LHX3: variants seen among roughly 807,000 people sequenced by gnomAD.
LHX3 encodes LIM/homeobox protein Lhx3.
LHX3 carries 21 observed loss-of-function variants against 32.4 expected under a neutral mutation model. The observed-to-expected ratio is 0.65, with a 90% confidence interval of 0.46 to 0.93. The LOEUF (loss-of-function observed/expected upper bound fraction) is 0.93, where lower values mean the gene tolerates loss of function less well. Ranked by LOEUF, LHX3 falls within the 40% of genes least tolerant of loss-of-function variation. The pLI is 0.00. For synonymous variants in LHX3, 258 were observed against 246.8 expected (o/e 1.05, Z -0.43); for missense variants, 626 against 560.0 (o/e 1.12, Z -1.19).
chr9:136,204,202 C>T (rs1296893314), intron 1 of LHX3, among the ~76,000 whole-genome samples: 2 of 152,256 alleles, frequency 1.3e-5, no homozygotes, highest in Admixed American at 6.5e-5. Flanking sequence ...CACAAGAAAC[C>T]ACAGTCCCTC....
chr9:136,203,191 G>A (rs1831687845), intron 1 of LHX3: 3 of 1,126,568 alleles, frequency 2.7e-6, no homozygotes, highest in Admixed American at 9.8e-5. Flanking sequence ...GGAGCCTCTG[G>A]CCGAGCGGAG....
At chr9:136,198,858 C>T (rs1323305615) in intron 4 of LHX3, 38 bp from the exon 5 acceptor site, 2 of 1,594,584 alleles carry the variant, frequency 1.3e-6, no homozygotes, top group South Asian at 1.1e-5. Flanking sequence ...CCCGGCTCTG[C>T]GGGGGCCCCC....
Position 136,197,497 on chromosome 9 carries a change from T to C in LHX3, c.1022A>G (p.Asp341Gly). The change falls in exon 6 of 6, where the codon GAC becomes GGC. Residue 341 changes from aspartate to glycine, a missense_variant. Transcript: ENST00000371748. ...QPLLSSLVYP[D>G]TSLGLVPSGA... Reference sequence around the variant, plus strand: ...CGAGGGCACAAGGCCCAAGCTGGTGTCTGGGTACACCAGGCTGGAGAGGAG... The same window carrying C: ...CGAGGGCACAAGGCCCAAGCTGGTGCCTGGGTACACCAGGCTGGAGAGGAG... 1 of 1,554,270 alleles carries C rather than the reference T, an allele frequency of 6.4e-7. No individual in the cohort carries two copies. Among genetic ancestry groups the C allele is most frequent in the African/African-American group, 1.4e-5 (1 of 73,354 alleles).
rs1254648318 is a variant in LHX3, at chr9:136,197,058, AT to A, written c.*266del. 5 of 575,180 alleles carry A rather than the reference AT, an allele frequency of 8.7e-6. No individual in the cohort carries two copies. Among genetic ancestry groups the A allele is most frequent in the Non-Finnish European group, 1.6e-5 (5 of 321,678 alleles). The allele number at this position is 575,180 out of a possible 1,614,324, so 35.6% of individuals were successfully genotyped here. ...AGAAATAGCAGCAAGTGCTCAGTTA[AT>A]TGGTCAATAAAGGGGAGAAATTTGC... is the stretch of plus-strand genomic sequence containing the variant. On this transcript the variant is annotated 3_prime_UTR_variant, in exon 6 of 6. Coordinates refer to ENST00000371748, the MANE Select transcript of LHX3 (RefSeq NM_178138.6).
At chr9:136,203,439 C>T (rs1588628542) in intron 1 of LHX3, among the ~76,000 whole-genome samples, 1 of 152,294 alleles carries the variant, frequency 6.6e-6, no homozygotes, top group East Asian at 1.9e-4. Context: ...GAGGCAGAGG[C>T]CTGAGCTGGA....
At position 136,200,709 on chromosome 9, in the gene LHX3, A is replaced by C. The variant is rs1831619654; in HGVS notation, c.124T>G (p.Phe42Val). 16 of 1,613,544 alleles carry C rather than the reference A, an allele frequency of 9.9e-6. No homozygotes were observed. The highest frequency in any genetic ancestry group is 1.4e-5 in the Non-Finnish European group (16 of 1,180,022). The change falls in exon 2 of 6, where the codon TTC becomes GTC. Residue 42 changes from phenylalanine to valine, a missense_variant. Transcript: ENST00000371748. The stretch of plus-strand genomic sequence containing the variant: ...TGGCGGTCCAGAGCCTTGAGGATGA[A>C]GCGGTCCAGGATGTGCTGGTCACAG... The part of the protein sequence containing the change: ...AGCDQHILDR[F>V]ILKALDRHWH...
In LHX3 at chr9:136,199,833, G is replaced by T. The variant is rs1457176364; in HGVS notation, c.299C>A (p.Thr100Lys). 1.2e-6 allele frequency: 2 copies of T among 1,609,256 alleles called. No individual in the cohort carries two copies. Among genetic ancestry groups the T allele is most frequent in the Admixed American group, 1.7e-5 (1 of 59,668 alleles). The part of the protein sequence containing the change: ...CAACQLGIPP[T>K]QVVRRAQDFV... ...GTCCTGGGCGCGGCGCACCACCTGC[G>T]TGGGCGGGATGCCCAGCTGGCACGC... Residue 100 changes from threonine (T) to lysine (K), a missense_variant, in exon 3 of 6, where the codon ACG becomes AAG. Physicochemically the swap from Thr to Lys is moderately conservative, Grantham distance 78 (BLOSUM62 -1). Transcript: ENST00000371748.
At position 136,201,279 on chromosome 9, in the gene LHX3, G is replaced by T. The variant is rs1019895416; in HGVS notation, c.80-526C>A. 2.4e-6 allele frequency: 3 copies of T among 1,272,008 alleles called. No homozygotes were observed. The Admixed American group carries it at 1.1e-4, about 47-fold the overall frequency. 78.8% of individuals were successfully genotyped at this position (1,272,008 alleles called of 1,614,324 possible). A position where few individuals can be genotyped will look rare whatever the true frequency, so the allele number is the denominator to read the frequency against. On this transcript the variant is annotated intron_variant, in intron 1 of 5. Transcript: ENST00000371748. ...CTGGTGGCCCTGTCTGCAGGCCTCCGGGGTAAATATCAATGCCTTCCCCAT... is the reference window on the plus strand; with the variant it reads ...CTGGTGGCCCTGTCTGCAGGCCTCCTGGGTAAATATCAATGCCTTCCCCAT...
chr9:136,202,064 G>T (rs1368903602), intron 1 of LHX3, among the ~76,000 whole-genome samples: 1 of 152,106 alleles, frequency 6.6e-6, no homozygotes, highest in African/African-American at 2.4e-5. Flanking sequence ...CTGTGTCAGG[G>T]ATGGCGGGGT....
At chr9:136,199,452 G>C (rs887468370) in intron 3 of LHX3, among the ~76,000 whole-genome samples, 1 of 152,264 alleles carries the variant, frequency 6.6e-6, no homozygotes, top group African/African-American at 2.4e-5. Flanking sequence ...ATTCCGACCA[G>C]GGGCGAAAAG....
rs777331392 is a variant in LHX3, at chr9:136,199,032, C to A, written c.482G>T (p.Arg161Leu). The A allele has an allele frequency of 8.9e-6, 14 of 1,579,532 alleles. No homozygotes were observed. The highest frequency in any genetic ancestry group is 1.2e-5 in the Non-Finnish European group (14 of 1,168,626). ...REAEATAKRP[R>L]TTITAKQLET... ...CAGCTGCTTGGCGGTGATGGTCGTG[C>A]GCGGCCGCTTGGCCGTGGCCTCGGC... is the stretch of plus-strand genomic sequence containing the variant. Residue 161 changes from arginine to leucine, a missense_variant, in exon 4 of 6, where the codon CGC (arginine) becomes CTC (leucine). By Grantham distance (102) the Arg-to-Leu change is moderately radical (BLOSUM62 -2). Coordinates refer to ENST00000371748, the MANE Select transcript of LHX3 (RefSeq NM_178138.6).
intron 1 of LHX3, chr9:136,201,588 G>A (rs542282997): frequency 9.7e-7 from 1 of 1,033,360 alleles, no homozygotes; most frequent in East Asian, 8.0e-5. Flanking sequence ...GAAGAGAGGA[G>A]TGCCCGCTGA....
In LHX3 at chr9:136,198,652, C is replaced by A. The variant is rs1335505655; in HGVS notation, c.775G>T (p.Asp259Tyr). Residue 259 changes from aspartate to tyrosine, a missense_variant and splice_region_variant, in exon 5 of 6, where the codon GAT becomes TAT. By Grantham distance (160) the Asp-to-Tyr change is radical. Transcript: ENST00000371748. ...QDSDAEVSFP[D>Y]EPSLAEMGPA... ...CGAGCTCCGCGATCCCTCCGCCTAC[C>A]GGGGAAGGAGACCTCAGCGTCGCTG... 4 of 1,590,172 alleles carry A rather than the reference C, an allele frequency of 2.5e-6. No individual in the cohort carries two copies. The highest frequency in any genetic ancestry group is 2.6e-6 in the Non-Finnish European group (3 of 1,170,740).
Position 136,197,879 on chromosome 9 carries a change from C to T in LHX3, c.776-136G>A, listed in dbSNP as rs1181040642. 3.3e-6 allele frequency: 3 copies of T among 896,904 alleles called. No individual in the cohort carries two copies. The East Asian group carries it at 7.9e-5, about 24-fold the overall frequency. 55.6% of individuals were successfully genotyped at this position (896,904 alleles called of 1,614,324 possible). A position where few individuals can be genotyped will look rare whatever the true frequency, so the allele number is the denominator to read the frequency against. ...CACCACATGACAGGTCATAACAGGC[C>T]CCTTCTACTGTTGGAGCATGGCTGC... On this transcript the variant is annotated intron_variant, in intron 5 of 5. Transcript: ENST00000371748.
At chr9:136,197,984 G>A (rs1451553003) in intron 5 of LHX3, among the ~76,000 whole-genome samples, 4 of 152,186 alleles carry the variant, frequency 2.6e-5, no homozygotes, top group Admixed American at 2.6e-4. Flanking sequence ...GAACAGCCCA[G>A]CCAGGGCCCA....
At position 136,198,729 on chromosome 9, in the gene LHX3, C is replaced by A. The variant is rs1304479919; in HGVS notation, c.698G>T (p.Arg233Leu). 2 of 1,611,540 alleles carry A rather than the reference C, an allele frequency of 1.2e-6. No homozygotes were observed. Among genetic ancestry groups the A allele is most frequent in the Non-Finnish European group, 1.7e-6 (2 of 1,179,826 alleles). The part of the protein sequence containing the change: ...RWGQYFRNMK[R>L]SRGGSKSDKD... ...GTCCGACTTGGAGCCGCCGCGGGAG[C>A]GCTTCATGTTGCGGAAATACTGCCC... is the stretch of plus-strand genomic sequence containing the variant. The change falls in exon 5 of 6, where the codon CGC becomes CTC. Residue 233 changes from arginine (R) to leucine (L), a missense_variant. Arg to Leu is a moderately radical substitution (Grantham distance 102, BLOSUM62 -2). Coordinates refer to ENST00000371748, the MANE Select transcript of LHX3 (RefSeq NM_178138.6).
At position 136,200,833 on chromosome 9, in the gene LHX3, T is replaced by C. The variant is rs4842131; in HGVS notation, c.80-80A>G. 0.56 allele frequency: 850,195 copies of C among 1,517,960 alleles called. 239,939 individuals are homozygous for C. The highest frequency in any genetic ancestry group is 0.61 in the African/African-American group (44,486 of 73,188). The allele number at this position is 1,517,960 out of a possible 1,614,324, so 94.0% of individuals were successfully genotyped here. On this transcript the variant is annotated intron_variant, in intron 1 of 5. Coordinates refer to ENST00000371748, the MANE Select transcript of LHX3 (RefSeq NM_178138.6). ...ACCTTCCCACCCCAACGCGAGCCAGTCTCCCCTCCGGCCCACAGGACTCAG... is the reference window on the plus strand; with the variant it reads ...ACCTTCCCACCCCAACGCGAGCCAGCCTCCCCTCCGGCCCACAGGACTCAG...
chr9:136,204,220 G>T lies in LHX3; in HGVS notation c.79+714C>A, dbSNP rs553153372. Among the ~76,000 whole-genome samples, 9 of 152,062 alleles carry T rather than the reference G, an allele frequency of 5.9e-5. No individual in the cohort carries two copies. The South Asian group carries it at 1.9e-3, about 32-fold the overall frequency. On this transcript the variant is annotated intron_variant, in intron 1 of 5. Coordinates refer to ENST00000371748, the MANE Select transcript of LHX3 (RefSeq NM_178138.6). ...AAGAAACCACAGTCCCTCCCTCCTA[G>T]CTCCCAGCAGGTCCGATGTGTCCGT...
chr9:136,197,806 T>A, intron 5 of LHX3, 63 bp from the exon 6 acceptor site: 1 of 1,569,222 alleles, frequency 6.4e-7, no homozygotes, highest in East Asian at 2.3e-5. Flanking sequence ...CAGAGTCCCA[T>A]CCTGCAGGCG....
Sources: gnomAD v4.1 joint callset for allele counts (sites outside exome capture counted in the v4.1 genomes callset) on GRCh38, gnomAD v4.1.1 for gene constraint, MANE v1.5 for transcripts, NCBI Gene and HGNC (gene_info 2026-07-23, HGNC 2026-07-21) for gene names.